Variants in AOAH observed in about 807,000 individuals in gnomAD.
AOAH encodes the protein acyloxyacyl hydrolase.
AOAH carries 64 observed loss-of-function variants against 92.2 expected under a neutral mutation model. That is an observed-to-expected ratio of 0.69 (90% confidence interval 0.57 to 0.86). The LOEUF is 0.86. AOAH is among the 40% of genes least tolerant of loss of function. The pLI is 0.00. For synonymous variants in AOAH, 263 were observed against 254.5 expected (o/e 1.03, Z -0.32); for missense variants, 656 against 694.6 (o/e 0.94, Z 0.62).
intron 11 of AOAH, among the ~76,000 whole-genome samples, chr7:36,601,975 A>G (rs986687079): frequency 6.6e-6 from 1 of 152,220 alleles, no homozygotes; most frequent in Admixed American, 6.5e-5. Context: ...GTGACTTAAA[A>G]TGTACTACAC....
chr7:36,515,406 A>C (rs1200743554), intron 20 of AOAH, among the ~76,000 whole-genome samples: 1 of 107,462 alleles, frequency 9.3e-6, no homozygotes, highest in African/African-American at 3.7e-5. Flanking sequence ...CACCACACAC[A>C]CAAACATCAC....
intron 1 of AOAH, among the ~76,000 whole-genome samples, chr7:36,699,585 T>C (rs73101545): frequency 0.14 from 21,196 of 151,654 alleles, 1,649 homozygotes; most frequent in Middle Eastern, 0.24. Context: ...TATATGTCTT[T>C]TTTGAGAAAT....
At chr7:36,520,035 C>A (rs1051559630) in intron 20 of AOAH, among the ~76,000 whole-genome samples, 1 of 152,176 alleles carries the variant, frequency 6.6e-6, no homozygotes, top group African/African-American at 2.4e-5. Context: ...CATTTTTGGC[C>A]ACTTTATCAC....
chr7:36,664,555 C>T (rs1247465109), intron 3 of AOAH, among the ~76,000 whole-genome samples: 2 of 152,158 alleles, frequency 1.3e-5, no homozygotes, highest in African/African-American at 2.4e-5. Context: ...TATCAGTCCT[C>T]CAGCTTTGTT....
chr7:36,535,102 G>T (rs908851261), intron 16 of AOAH, among the ~76,000 whole-genome samples: 30 of 123,212 alleles, frequency 2.4e-4, no homozygotes, highest in Non-Finnish European at 1.1e-4. Flanking sequence ...GTGTGTTTGT[G>T]TGTGTCTGTG....
At chr7:36,711,897 T>C (rs1199237259) in intron 1 of AOAH, among the ~76,000 whole-genome samples, 2 of 152,048 alleles carry the variant, frequency 1.3e-5, no homozygotes, top group Non-Finnish European at 2.9e-5. Context: ...CTGAGAACCA[T>C]GAACATCAGA....
At chr7:36,591,674 T>C (rs1035326392) in intron 12 of AOAH, among the ~76,000 whole-genome samples, 1 of 152,222 alleles carries the variant, frequency 6.6e-6, no homozygotes, top group Non-Finnish European at 1.5e-5. Flanking sequence ...TTTACATTGA[T>C]AAGGGAGTAA....
At chr7:36,685,529 T>C (rs1422168834) in intron 2 of AOAH, among the ~76,000 whole-genome samples, 1 of 152,158 alleles carries the variant, frequency 6.6e-6, no homozygotes, top group Non-Finnish European at 1.5e-5. Context: ...GTCTTGTTTT[T>C]ACAAAGAAAA....
intron 1 of AOAH, among the ~76,000 whole-genome samples, chr7:36,709,163 G>A (rs571611889): frequency 6.6e-6 from 1 of 152,252 alleles, no homozygotes; most frequent in African/African-American, 2.4e-5. Context: ...TGCTTCATCA[G>A]GGATCAAACC....
At chr7:36,717,941 GA>G (rs1367966114) in intron 1 of AOAH, among the ~76,000 whole-genome samples, 2 of 151,506 alleles carry the variant, frequency 1.3e-5, no homozygotes, top group Non-Finnish European at 2.9e-5. Context: ...AGAGACAAAA[GA>G]AAAAAATAGA....
intron 13 of AOAH, among the ~76,000 whole-genome samples, chr7:36,564,310 C>T (rs1205846967): frequency 2.0e-5 from 3 of 152,204 alleles, no homozygotes; most frequent in South Asian, 2.1e-4. Context: ...TATTTCACTG[C>T]CCTTTCACCA....
intron 4 of AOAH, among the ~76,000 whole-genome samples, chr7:36,655,202 T>C (rs1450177958): frequency 6.6e-6 from 1 of 152,198 alleles, no homozygotes; most frequent in Non-Finnish European, 1.5e-5. Flanking sequence ...TCGTCATCTA[T>C]AAAGGGTGGA....
intron 1 of AOAH, among the ~76,000 whole-genome samples, chr7:36,717,199 G>C (rs1042432942): frequency 2.0e-5 from 3 of 152,066 alleles, no homozygotes; most frequent in Non-Finnish European, 4.4e-5. Flanking sequence ...GCGGGGTTAC[G>C]CTTTGGGATT....
In AOAH at chr7:36,629,895, C is replaced by T. The variant is rs558969758; in HGVS notation, c.521+2141G>A. Among the ~76,000 whole-genome samples, 99 of 152,244 alleles carry T rather than the reference C, an allele frequency of 6.5e-4. 1 individual carries two copies. Among genetic ancestry groups the T allele is most frequent in the Non-Finnish European group, 7.5e-4 (51 of 68,008 alleles). On this transcript the variant is annotated intron_variant, in intron 6 of 20. Coordinates refer to ENST00000617537, the MANE Select transcript of AOAH (RefSeq NM_001637.4). The stretch of plus-strand genomic sequence containing the variant: ...ATGAAGTCCTAACCCCTGGTATCTG[C>T]GAATGTGACCTTATTTGGAAACAGG...
Position 36,714,730 on chromosome 7 carries a change from A to G in AOAH, c.127+9292T>C, listed in dbSNP as rs1221043371. Among the ~76,000 whole-genome samples, 3 of 152,248 alleles carry G rather than the reference A, an allele frequency of 2.0e-5. No individual in the cohort carries two copies. In the East Asian group the frequency reaches 5.8e-4, roughly 29 times the overall value. On this transcript the variant is annotated intron_variant, in intron 1 of 20. Coordinates refer to ENST00000617537, the MANE Select transcript of AOAH (RefSeq NM_001637.4). Reference sequence around the variant, plus strand: ...AAACAGAACTAATGACAAAAACCACATGATTATCTCAATAGATGCAGAAAA... The same window carrying G: ...AAACAGAACTAATGACAAAAACCACGTGATTATCTCAATAGATGCAGAAAA...
intron 14 of AOAH, 77 bp downstream of exon 14, chr7:36,549,362 T>TG (rs1415604484): frequency 9.2e-7 from 1 of 1,086,496 alleles, no homozygotes; most frequent in Admixed American, 1.8e-5. Flanking sequence ...AAAATGATTA[T>TG]GGGGTAATAA....
At chr7:36,517,741 C>T (rs1291108447) in intron 20 of AOAH, among the ~76,000 whole-genome samples, 5 of 151,394 alleles carry the variant, frequency 3.3e-5, no homozygotes, top group East Asian at 2.0e-4. Flanking sequence ...GCTGGGATTA[C>T]AGGCACATGC....
intron 15 of AOAH, among the ~76,000 whole-genome samples, chr7:36,547,666 C>T (rs1785899604): frequency 6.6e-6 from 1 of 151,968 alleles, no homozygotes; most frequent in African/African-American, 2.4e-5. Context: ...TCCTGTCTCA[C>T]CATTTTTTTT....
At chr7:36,565,657 T>C (rs1167485847) in intron 13 of AOAH, among the ~76,000 whole-genome samples, 2 of 151,918 alleles carry the variant, frequency 1.3e-5, no homozygotes, top group South Asian at 2.1e-4. Context: ...CTTAGCCTCC[T>C]GAGTAGCTGG....
Sources: gnomAD v4.1 joint callset for allele counts (sites outside exome capture counted in the v4.1 genomes callset) on GRCh38, gnomAD v4.1.1 for gene constraint, MANE v1.5 for transcripts, NCBI Gene and HGNC (gene_info 2026-07-23, HGNC 2026-07-21) for gene names.